Variants in MAP3K7 observed in about 807,000 individuals in gnomAD.
MAP3K7 encodes TGF-beta activated kinase 1.
MAP3K7 carries 21 observed loss-of-function variants against 84.8 expected under a neutral mutation model. That is an observed-to-expected ratio of 0.25 (90% CI 0.18 to 0.36). MAP3K7 has a LOEUF of 0.36. MAP3K7 is among the 10% of genes least tolerant of loss of function. The pLI is 1.00. For synonymous variants in MAP3K7, 241 were observed against 247.7 expected (o/e 0.97, Z 0.25); for missense variants, 503 against 747.7 (o/e 0.67, Z 3.82).
intron 12 of MAP3K7, among the ~76,000 whole-genome samples, chr6:90,539,317 C>A (rs1285434249): frequency 6.6e-6 from 1 of 151,812 alleles, no homozygotes; most frequent in Non-Finnish European, 1.5e-5. Context: ...AGAAAGGCCA[C>A]CTAAATATTC....
In MAP3K7 at chr6:90,516,429, A is replaced by G. The variant is rs1774964425; in HGVS notation, c.*72T>C. 1 of 1,489,658 alleles carries G rather than the reference A, an allele frequency of 6.7e-7. No individual in the cohort carries two copies. The highest frequency in any genetic ancestry group is 9.2e-7 in the Non-Finnish European group (1 of 1,087,472). 92.3% of individuals were successfully genotyped at this position (1,489,658 alleles called of 1,614,324 possible). ...AAAAAGCTAACACTCATGAATCGTC[A>G]TTATAAGGTTTTCCTTTCCTTAAAA... On this transcript the variant is annotated 3_prime_UTR_variant, in exon 17 of 17. Coordinates refer to ENST00000369329, the MANE Select transcript of MAP3K7 (RefSeq NM_145331.3).
intron 1 of MAP3K7, among the ~76,000 whole-genome samples, chr6:90,582,400 T>C (rs1396424812): frequency 6.6e-6 from 1 of 152,184 alleles, no homozygotes; most frequent in Non-Finnish European, 1.5e-5. Flanking sequence ...GTTCTAGGCA[T>C]TGGGGTTACA....
intron 8 of MAP3K7, chr6:90,551,594 C>CT (rs925090598): frequency 1.1e-4 from 17 of 152,308 alleles, no homozygotes; most frequent in African/African-American, 3.6e-4. Context: ...ATAAATGTGT[C>CT]TGAGAATGCA....
chr6:90,554,174 T>C (rs954279330), intron 6 of MAP3K7, among the ~76,000 whole-genome samples: 1 of 152,182 alleles, frequency 6.6e-6, no homozygotes, highest in Non-Finnish European at 1.5e-5. Flanking sequence ...CCCGAGGCGC[T>C]GGGATCACAG....
chr6:90,523,777 T>G lies in MAP3K7; in HGVS notation c.1363A>C (p.Ser455Arg). ...VTGTEPGQVS[S>R]RSSSPSVRMI... ...CTGACACTGGGACTGGATGACCTAC[T>G]GCTCACCTACAGGAAGAAGTCACAG... Residue 455 changes from serine to arginine, a missense_variant, in exon 14 of 17, where the codon AGT (serine) becomes CGT (arginine). This residue lies in a region of MAP3K7 where 286 missense variants were observed against 313.6 expected (regional missense o/e 0.91). Coordinates refer to ENST00000369329, the MANE Select transcript of MAP3K7 (RefSeq NM_145331.3). 6.3e-7 allele frequency: 1 copy of G among 1,585,200 alleles called. No homozygotes were observed. The highest frequency in any genetic ancestry group is 1.1e-5 in the South Asian group (1 of 90,464).
At chr6:90,549,779 A>T (rs1776123674) in intron 9 of MAP3K7, among the ~76,000 whole-genome samples, 1 of 152,216 alleles carries the variant, frequency 6.6e-6, no homozygotes, top group South Asian at 2.1e-4. Context: ...GAGAATAACT[A>T]GCCAAGCAGT....
intron 2 of MAP3K7, 112 bp downstream of exon 2, chr6:90,571,585 T>C: frequency 1.9e-6 from 1 of 529,472 alleles, no homozygotes; most frequent in South Asian, 3.6e-5. Context: ...GAATTGCTGA[T>C]GTTCATGTAT....
intron 1 of MAP3K7, among the ~76,000 whole-genome samples, chr6:90,573,767 T>C (rs1403254895): frequency 6.6e-6 from 1 of 152,258 alleles, no homozygotes; most frequent in African/African-American, 2.4e-5. Flanking sequence ...ATTCAGCTTC[T>C]GTTCATCAGT....
At chr6:90,534,695 G>A (rs1404347732) in intron 13 of MAP3K7, among the ~76,000 whole-genome samples, 1 of 152,174 alleles carries the variant, frequency 6.6e-6, no homozygotes, top group Non-Finnish European at 1.5e-5. Flanking sequence ...GGTGTGGGAA[G>A]ATCAGTCCTG....
intron 12 of MAP3K7, chr6:90,542,493 GAT>G (rs1167659528): frequency 2.0e-6 from 2 of 984,978 alleles, no homozygotes; most frequent in African/African-American, 3.5e-5. Context: ...CATAAAAGAG[GAT>G]CTCCCTGGCT....
intron 3 of MAP3K7, among the ~76,000 whole-genome samples, chr6:90,562,514 C>G (rs111647340): frequency 2.0e-5 from 3 of 152,194 alleles, no homozygotes; most frequent in African/African-American, 7.2e-5. Context: ...AAGGCGGCAG[C>G]GACGCTGGGA....
At chr6:90,554,915 T>TA (rs1488134344) in intron 6 of MAP3K7, among the ~76,000 whole-genome samples, 2 of 152,226 alleles carry the variant, frequency 1.3e-5, no homozygotes, top group African/African-American at 4.8e-5. Flanking sequence ...CTCAGGTGAC[T>TA]AGTTGCATTG....
intron 1 of MAP3K7, among the ~76,000 whole-genome samples, chr6:90,575,162 C>A (rs570365761): frequency 6.6e-6 from 1 of 152,214 alleles, no homozygotes; most frequent in Non-Finnish European, 1.5e-5. Context: ...AAGGTAGATA[C>A]ACTGGGGATG....
chr6:90,579,058 A>G (rs748043437), intron 1 of MAP3K7, among the ~76,000 whole-genome samples: 16 of 151,688 alleles, frequency 1.1e-4, no homozygotes, highest in East Asian at 1.9e-4. Flanking sequence ...TTAGTAAATC[A>G]GAGTCAGCTT....
chr6:90,544,510 C>T (rs375852431), intron 12 of MAP3K7, 42 bp downstream of exon 12: 75 of 1,542,782 alleles, frequency 4.9e-5, no homozygotes, highest in Admixed American at 6.7e-5. Context: ...ATCATTATTC[C>T]GGTTCCACAG....
chr6:90,544,405 A>T, intron 12 of MAP3K7, 147 bp downstream of exon 12: 1 of 649,688 alleles, frequency 1.5e-6, no homozygotes, highest in Non-Finnish European at 2.8e-6. Flanking sequence ...GAATAAATGT[A>T]GTTTTTCAAT....
chr6:90,574,232 G>A (rs1457518610), intron 1 of MAP3K7, among the ~76,000 whole-genome samples: 1 of 152,112 alleles, frequency 6.6e-6, no homozygotes, highest in African/African-American at 2.4e-5. Context: ...TTGGAATTGG[G>A]TATGAATCAG....
At chr6:90,560,376 T>C (rs562898485) in intron 4 of MAP3K7, among the ~76,000 whole-genome samples, 162 bp from the exon 5 acceptor site, 1 of 152,304 alleles carries the variant, frequency 6.6e-6, no homozygotes, top group East Asian at 1.9e-4. Context: ...TTCTTTTTGT[T>C]TTTTGAGACG....
intron 12 of MAP3K7, among the ~76,000 whole-genome samples, chr6:90,540,608 A>G (rs1242543682): frequency 1.3e-5 from 2 of 151,992 alleles, no homozygotes; most frequent in Admixed American, 6.6e-5. Context: ...GGTGGTAAGT[A>G]TATATGTATA....
Sources: gnomAD v4.1 joint callset for allele counts (sites outside exome capture counted in the v4.1 genomes callset) on GRCh38, gnomAD v4.1.1 for gene constraint, gnomAD v4.1.1 regional missense constraint, MANE v1.5 for transcripts, NCBI Gene and HGNC (gene_info 2026-07-23, HGNC 2026-07-21) for gene names.